CDK14: variants seen among roughly 807,000 people sequenced by gnomAD.
CDK14 encodes the protein cyclin dependent kinase 14, also known as cyclin-dependent kinase 14.
CDK14 carries 34 observed loss-of-function variants against 60.7 expected under a neutral mutation model. The ratio of observed to expected loss-of-function variants is 0.56; its 90% CI spans 0.43 to 0.75. The LOEUF is 0.75. CDK14 is among the 30% of genes least tolerant of loss of function. CDK14 has a pLI of 0.00. For synonymous variants in CDK14, 197 were observed against 203.7 expected (o/e 0.97, Z 0.28); for missense variants, 482 against 564.1 (o/e 0.85, Z 1.47).
chr7:90,800,201 A>G (rs1056239167), intron 5 of CDK14, among the ~76,000 whole-genome samples: 13 of 152,068 alleles, frequency 8.5e-5, no homozygotes, highest in African/African-American at 2.9e-4. Context: ...TTAGAATTCT[A>G]TGGAAACATT....
intron 10 of CDK14, among the ~76,000 whole-genome samples, chr7:91,003,808 AATTG>A (rs1268017377): frequency 2.0e-5 from 3 of 152,148 alleles, no homozygotes; most frequent in African/African-American, 7.2e-5. Flanking sequence ...AATTCAAGAA[AATTG>A]ATTGTTTATT....
chr7:91,031,522 A>C (rs1180646301), intron 10 of CDK14, among the ~76,000 whole-genome samples: 1 of 152,190 alleles, frequency 6.6e-6, no homozygotes, highest in African/African-American at 2.4e-5. Flanking sequence ...TTACCTAAAA[A>C]AGAAATGTAG....
At chr7:91,028,261 G>GAC (rs1367800278) in intron 10 of CDK14, among the ~76,000 whole-genome samples, 5 of 151,128 alleles carry the variant, frequency 3.3e-5, no homozygotes, top group African/African-American at 4.9e-5. Context: ...TTCCACGACA[G>GAC]ACACACACAC....
In CDK14 at chr7:91,209,720, A is replaced by G. The variant is rs976279034; in HGVS notation, c.*2584A>G. ...AAAGGAGATTTGACACTTAATTCCC[A>G]TTTTCTTAAAATAACAGTTTTGTTG... On this transcript the variant is annotated 3_prime_UTR_variant, in exon 15 of 15. Transcript: ENST00000380050. 3.3e-5 allele frequency: 5 copies of G among 152,556 alleles called. No homozygotes were observed. Among genetic ancestry groups the G allele is most frequent in the African/African-American group, 9.7e-5 (4 of 41,428 alleles). 9.5% of individuals were successfully genotyped at this position (152,556 alleles called of 1,614,324 possible).
chr7:90,731,459 T>C (rs1254923455), intron 3 of CDK14, among the ~76,000 whole-genome samples: 1 of 152,234 alleles, frequency 6.6e-6, no homozygotes, highest in African/African-American at 2.4e-5. Flanking sequence ...TGATATTGAT[T>C]CTTCATATCC....
chr7:90,612,299 T>C (rs1459468725), intron 2 of CDK14, among the ~76,000 whole-genome samples: 3 of 152,190 alleles, frequency 2.0e-5, no homozygotes, highest in Non-Finnish European at 2.9e-5. Context: ...TTTCTTGTCA[T>C]AGTACTCCCC....
chr7:90,881,530 A>G lies in CDK14; in HGVS notation c.640-17761A>G, dbSNP rs112052287. Among the ~76,000 whole-genome samples, 232 of 152,352 alleles carry G rather than the reference A, an allele frequency of 1.5e-3. 3 individuals carry two copies. Among genetic ancestry groups the G allele is most frequent in the African/African-American group, 5.3e-3 (219 of 41,572 alleles). On this transcript the variant is annotated intron_variant, in intron 6 of 14. Transcript: ENST00000380050. Reference sequence around the variant, plus strand: ...AACACACTTCAGGATATTATGCAGAAGAACTTCCCCAACCTAGCAAGACAG... The same window carrying G: ...AACACACTTCAGGATATTATGCAGAGGAACTTCCCCAACCTAGCAAGACAG...
At chr7:90,598,111 G>A (rs1213622845) in intron 1 of CDK14, among the ~76,000 whole-genome samples, 1 of 152,198 alleles carries the variant, frequency 6.6e-6, no homozygotes, top group African/African-American at 2.4e-5. Flanking sequence ...TCGCAGAGGC[G>A]GGTTCTGGAG....
At chr7:90,627,781 TA>T (rs1262904672) in intron 2 of CDK14, among the ~76,000 whole-genome samples, 1 of 152,176 alleles carries the variant, frequency 6.6e-6, no homozygotes, top group Admixed American at 6.5e-5. Flanking sequence ...CCAATAGTGA[TA>T]AAAACTGCTT....
intron 2 of CDK14, among the ~76,000 whole-genome samples, chr7:90,686,551 G>A (rs1232307768): frequency 2.0e-5 from 3 of 152,270 alleles, no homozygotes; most frequent in African/African-American, 7.2e-5. Flanking sequence ...TGATGACCTT[G>A]TTGAAAATTG....
intron 4 of CDK14, among the ~76,000 whole-genome samples, chr7:90,770,225 G>A (rs1291450596): frequency 1.3e-5 from 2 of 152,188 alleles, no homozygotes; most frequent in East Asian, 1.9e-4. Context: ...TTAACAAATT[G>A]TGTATTCAGG....
intron 5 of CDK14, among the ~76,000 whole-genome samples, chr7:90,814,928 T>C (rs1364131668): frequency 6.6e-6 from 1 of 152,246 alleles, no homozygotes; most frequent in East Asian, 1.9e-4. Context: ...TTTTTAAAAT[T>C]TGAGTCTTCC....
chr7:90,711,359 CT>C (rs199696056), intron 2 of CDK14, among the ~76,000 whole-genome samples: 4 of 150,404 alleles, frequency 2.7e-5, no homozygotes, highest in African/African-American at 4.9e-5. Context: ...ATTTACCTCT[CT>C]TTTTTTTTAA....
At chr7:91,102,203 C>T (rs927034374) in intron 12 of CDK14, among the ~76,000 whole-genome samples, 4 of 152,092 alleles carry the variant, frequency 2.6e-5, no homozygotes, top group East Asian at 3.9e-4. Flanking sequence ...AAGAGTGTGA[C>T]GGTGCATAAA....
intron 10 of CDK14, among the ~76,000 whole-genome samples, chr7:90,998,844 G>A (rs929932203): frequency 9.9e-5 from 15 of 152,072 alleles, no homozygotes; most frequent in African/African-American, 2.9e-4. Context: ...AGCGGAGATC[G>A]CGCCACTGCA....
intron 7 of CDK14, among the ~76,000 whole-genome samples, chr7:90,901,397 G>A (rs1294316357): frequency 6.6e-6 from 1 of 152,014 alleles, no homozygotes; most frequent in Non-Finnish European, 1.5e-5. Context: ...GTTTAACATG[G>A]TCACCGATAG....
chr7:90,757,209 AGTGTGTGTGTGTGTGTGT>A (rs56790315), intron 4 of CDK14, among the ~76,000 whole-genome samples: 2 of 120,298 alleles, frequency 1.7e-5, no homozygotes, highest in South Asian at 5.9e-4. Context: ...GCATTCTTCC[AGTGTGTGTGTGTGTGTGT>A]GTGTGTGTGT....
At chr7:91,192,522 C>T (rs1360570183) in intron 14 of CDK14, among the ~76,000 whole-genome samples, 3 of 152,132 alleles carry the variant, frequency 2.0e-5, no homozygotes, top group African/African-American at 2.4e-5. Flanking sequence ...GCAATCCCTT[C>T]TGAGAGGGAA....
chr7:90,763,138 CAG>C (rs138679099), intron 4 of CDK14, among the ~76,000 whole-genome samples: 13,089 of 152,204 alleles, frequency 0.086, 634 homozygotes, highest in South Asian at 0.11. Context: ...CACCAAACAA[CAG>C]AGTGTCAAAA....
Sources: gnomAD v4.1 joint callset for allele counts (sites outside exome capture counted in the v4.1 genomes callset) on GRCh38, gnomAD v4.1.1 for gene constraint, MANE v1.5 for transcripts, NCBI Gene and HGNC (gene_info 2026-07-23, HGNC 2026-07-21) for gene names.